APBB1IP: variants seen among roughly 807,000 people sequenced by gnomAD.
The protein encoded by APBB1IP is amyloid beta A4 precursor protein-binding family B member 1-interacting protein.
In APBB1IP, 27 loss-of-function variants were observed where a neutral mutation model predicts 64.9. That is an observed-to-expected ratio of 0.42 (90% CI 0.31 to 0.57). APBB1IP has a LOEUF of 0.57. Among genes scored for constraint, APBB1IP ranks in the 20% least tolerant of loss-of-function variants. The pLI is 0.20. For missense variants in APBB1IP, 812 were observed against 845.5 expected (o/e 0.96, Z 0.49); for synonymous variants, 392 against 331.0 (o/e 1.18, Z -2.00).
chr10:26,473,489 A>C (rs769039119), intron 2 of APBB1IP, among the ~76,000 whole-genome samples: 56 of 152,218 alleles, frequency 3.7e-4, no homozygotes, highest in Non-Finnish European at 5.9e-4. Flanking sequence ...AAAGCTTTTA[A>C]AATGATGTTG....
At chr10:26,565,625 C>T (rs1444070203) in intron 14 of APBB1IP, among the ~76,000 whole-genome samples, 1 of 152,182 alleles carries the variant, frequency 6.6e-6, no homozygotes, top group Non-Finnish European at 1.5e-5. Context: ...GGTAACTGAA[C>T]CCAGGTTTGG....
chr10:26,567,570 T>A lies in APBB1IP; in HGVS notation c.*82T>A. 6.8e-7 allele frequency: 1 copy of A among 1,476,170 alleles called. No individual in the cohort carries two copies. The highest frequency in any genetic ancestry group is 9.1e-7 in the Non-Finnish European group (1 of 1,093,702). The allele number at this position is 1,476,170 out of a possible 1,614,324, so 91.4% of individuals were successfully genotyped here. A position where few individuals can be genotyped will look rare whatever the true frequency, so the allele number is the denominator to read the frequency against. ...TTTGCTAGCAGATTGCCCTGACATC[T>A]TGTTCATTTCAGATAAAATGTGATG... On this transcript the variant is annotated 3_prime_UTR_variant, in exon 15 of 15. Transcript: ENST00000376236.
chr10:26,567,307 C>G lies in APBB1IP; in HGVS notation c.1820C>G (p.Ala607Gly). 1.8e-6 allele frequency: 2 copies of G among 1,116,070 alleles called. No individual in the cohort carries two copies. The highest frequency in any genetic ancestry group is 2.2e-6 in the Non-Finnish European group (2 of 904,032). The allele number at this position is 1,116,070 out of a possible 1,614,324, so 69.1% of individuals were successfully genotyped here. The change falls in exon 15 of 15, where the codon GCG becomes GGG. Residue 607 changes from alanine (A) to glycine (G), a missense_variant. Physicochemically the swap from Ala to Gly is moderately conservative, Grantham distance 60 (BLOSUM62 0). Transcript: ENST00000376236. Reference protein sequence around the residue: ...ELPPPPPPPPAPAPAPVPDSA... With the variant: ...ELPPPPPPPPGPAPAPVPDSA... ...CCCCCGCCGCCGCCGCCGCCGCCCG[C>G]GCCCGCGCCCGCCCCCGTCCCCGAC...
chr10:26,447,595 A>G (rs1369512959), intron 2 of APBB1IP, among the ~76,000 whole-genome samples: 2 of 152,202 alleles, frequency 1.3e-5, no homozygotes, highest in Non-Finnish European at 2.9e-5. Context: ...TGAGTCAAAT[A>G]CTGAGGCGCT....
At chr10:26,491,878 C>G (rs922192365) in intron 2 of APBB1IP, among the ~76,000 whole-genome samples, 1 of 151,244 alleles carries the variant, frequency 6.6e-6, no homozygotes, top group African/African-American at 2.4e-5. Flanking sequence ...TTTCCTGCCT[C>G]AGCCTCCCGA....
chr10:26,538,827 T>C (rs971802701), intron 10 of APBB1IP, among the ~76,000 whole-genome samples: 2 of 152,122 alleles, frequency 1.3e-5, no homozygotes, highest in Admixed American at 1.3e-4. Context: ...AAAATAGACC[T>C]TCCCAAAATT....
At chr10:26,503,094 C>A in intron 5 of APBB1IP, 103 bp from the exon 6 acceptor site, 1 of 1,071,680 alleles carries the variant, frequency 9.3e-7, no homozygotes, top group Non-Finnish European at 1.3e-6. Context: ...AATTTGGTAC[C>A]TTTTGTTAAT....
At chr10:26,487,396 G>GA (rs1835905539) in intron 2 of APBB1IP, among the ~76,000 whole-genome samples, 1 of 152,162 alleles carries the variant, frequency 6.6e-6, no homozygotes, top group Non-Finnish European at 1.5e-5. Context: ...TAATATGACT[G>GA]AATTTACAGA....
intron 2 of APBB1IP, among the ~76,000 whole-genome samples, chr10:26,466,611 C>A (rs147562572): frequency 8.3e-4 from 126 of 152,074 alleles, no homozygotes; most frequent in African/African-American, 2.9e-3. Context: ...GACCAGCCTG[C>A]GCAACATAGC....
intron 2 of APBB1IP, among the ~76,000 whole-genome samples, chr10:26,467,973 T>C (rs1378027218): frequency 1.3e-5 from 2 of 152,218 alleles, no homozygotes; most frequent in African/African-American, 4.8e-5. Context: ...TTACTGAGTG[T>C]TTAACACACA....
intron 3 of APBB1IP, among the ~76,000 whole-genome samples, chr10:26,494,756 C>T (rs1835998943): frequency 6.6e-6 from 1 of 152,006 alleles, no homozygotes; most frequent in Non-Finnish European, 1.5e-5. Flanking sequence ...ACCCAGGAGG[C>T]AGAGATTATG....
chr10:26,447,814 T>C (rs1835418576), intron 2 of APBB1IP, among the ~76,000 whole-genome samples: 1 of 152,130 alleles, frequency 6.6e-6, no homozygotes, highest in Non-Finnish European at 1.5e-5. Flanking sequence ...CATTTTTTTA[T>C]TTTTTTGAGA....
intron 2 of APBB1IP, among the ~76,000 whole-genome samples, chr10:26,471,979 G>A (rs1387928832): frequency 6.6e-6 from 1 of 152,020 alleles, no homozygotes; most frequent in Non-Finnish European, 1.5e-5. Context: ...CACTGTGCCC[G>A]GCCTGTTTGA....
intron 14 of APBB1IP, among the ~76,000 whole-genome samples, chr10:26,565,348 G>A (rs997399795): frequency 6.6e-6 from 1 of 152,150 alleles, no homozygotes; most frequent in East Asian, 1.9e-4. Flanking sequence ...CCTATATGAC[G>A]AGGACTCTGG....
At chr10:26,526,460 C>G (rs921254169) in intron 8 of APBB1IP, among the ~76,000 whole-genome samples, 28 of 152,192 alleles carry the variant, frequency 1.8e-4, no homozygotes, top group African/African-American at 6.5e-4. Flanking sequence ...GTGGCTCACG[C>G]CTGTAATCCC....
chr10:26,444,242 A>T (rs931512288), intron 2 of APBB1IP, among the ~76,000 whole-genome samples: 1 of 152,158 alleles, frequency 6.6e-6, no homozygotes, highest in African/African-American at 2.4e-5. Flanking sequence ...GGAGAGAGAA[A>T]CAGATGTGGT....
chr10:26,526,968 G>A (rs1836482850), intron 8 of APBB1IP, among the ~76,000 whole-genome samples: 2 of 152,212 alleles, frequency 1.3e-5, no homozygotes, highest in Non-Finnish European at 2.9e-5. Context: ...TTGCCCAGGT[G>A]TAGAAGTGTC....
intron 8 of APBB1IP, among the ~76,000 whole-genome samples, chr10:26,520,678 G>A (rs951414043): frequency 6.6e-6 from 1 of 152,182 alleles, no homozygotes; most frequent in African/African-American, 2.4e-5. Flanking sequence ...CTGGTGACTG[G>A]AAATGTGGCT....
chr10:26,524,958 T>TCTTTTTTTTTTG (rs1183632658), intron 8 of APBB1IP, among the ~76,000 whole-genome samples: 1 of 131,892 alleles, frequency 7.6e-6, no homozygotes, highest in Non-Finnish European at 1.6e-5. Context: ...TTTCTTTCTT[T>TCTTTTTTTTTTG]TTTTTTTTTT....
Sources: gnomAD v4.1 joint callset for allele counts (sites outside exome capture counted in the v4.1 genomes callset) on GRCh38, gnomAD v4.1.1 for gene constraint, MANE v1.5 for transcripts, NCBI Gene and HGNC (gene_info 2026-07-23, HGNC 2026-07-21) for gene names.